SPAST: variants seen among roughly 807,000 people sequenced by gnomAD.
SPAST encodes spastic paraplegia 4 (autosomal dominant; spastin).
Under a neutral mutation model 76.6 loss-of-function variants are expected in SPAST, and 30 were observed. That is an observed-to-expected ratio of 0.39 (90% CI 0.29 to 0.53). The LOEUF (loss-of-function observed/expected upper bound fraction) is 0.53. Among genes scored for constraint, SPAST ranks in the 20% least tolerant of loss-of-function variants. The pLI, the probability that SPAST is intolerant of heterozygous loss-of-function variation, is 0.68. For missense variants in SPAST, 717 were observed against 770.5 expected, an observed-to-expected ratio of 0.93 and a Z score of 0.82; for synonymous variants, 305 against 281.0, an observed-to-expected ratio of 1.09 and a Z score of -0.86.
chr2:32,147,893 A>G (rs1573175847), intron 16 of SPAST, among the ~76,000 whole-genome samples: 1 of 145,458 alleles, frequency 6.9e-6, no homozygotes, highest in East Asian at 2.0e-4. Flanking sequence ...AGCCTCCCAA[A>G]GTGCTGGGAT....
intron 7 of SPAST, among the ~76,000 whole-genome samples, chr2:32,121,704 C>T (rs753925283): frequency 9.2e-5 from 14 of 151,764 alleles, no homozygotes; most frequent in Middle Eastern, 3.2e-3. Context: ...CCACCATGCC[C>T]GGCTAATTGT....
chr2:32,114,591 TCAGC>T, intron 4 of SPAST, 43 bp from the exon 5 acceptor site: 1 of 1,454,094 alleles, frequency 6.9e-7, no homozygotes, highest in South Asian at 1.1e-5. Context: ...GTCTTTATGT[TCAGC>T]TACAATTTTC....
chr2:32,126,831 G>A (rs1679208988), intron 7 of SPAST, 117 bp from the exon 8 acceptor site: 20 of 696,628 alleles, frequency 2.9e-5, no homozygotes, highest in Non-Finnish European at 2.9e-5. Flanking sequence ...TTCCTTTAAA[G>A]CTATGGGCAG....
chr2:32,071,427 TTAAAA>T (rs1335069740), intron 1 of SPAST, among the ~76,000 whole-genome samples: 1 of 152,356 alleles, frequency 6.6e-6, no homozygotes, highest in South Asian at 2.1e-4. Flanking sequence ...ATGTGTGTAT[TTAAAA>T]TAACTTCGTC....
chr2:32,076,437 G>C (rs1676964793), intron 1 of SPAST, among the ~76,000 whole-genome samples: 2 of 151,936 alleles, frequency 1.3e-5, no homozygotes, highest in African/African-American at 4.8e-5. Flanking sequence ...ACCCAGGCTG[G>C]TCTTGAATGC....
At chr2:32,088,250 C>T (rs1677572245) in intron 2 of SPAST, among the ~76,000 whole-genome samples, 1 of 152,070 alleles carries the variant, frequency 6.6e-6, no homozygotes, top group Non-Finnish European at 1.5e-5. Context: ...TGTGACTGAT[C>T]TTAAACTTCT....
intron 1 of SPAST, among the ~76,000 whole-genome samples, chr2:32,074,211 A>C (rs551974652): frequency 6.6e-6 from 1 of 152,200 alleles, no homozygotes; most frequent in Non-Finnish European, 1.5e-5. Flanking sequence ...CATAAAACCT[A>C]TCTAGAAGAA....
intron 7 of SPAST, among the ~76,000 whole-genome samples, chr2:32,120,939 A>G (rs566127760): frequency 1.2e-4 from 19 of 152,148 alleles, no homozygotes; most frequent in African/African-American, 4.1e-4. Flanking sequence ...TTCCATGAGT[A>G]TTTTGAAGGC....
chr2:32,150,903 T>C (rs1367346093), intron 16 of SPAST, among the ~76,000 whole-genome samples: 3 of 152,050 alleles, frequency 2.0e-5, no homozygotes, highest in Admixed American at 2.0e-4. Context: ...ATCCCATTAA[T>C]TATATATATT....
Position 32,155,888 on chromosome 2 carries a change from G to C in SPAST, c.*1392G>C, listed in dbSNP as rs1376903403. On this transcript the variant is annotated 3_prime_UTR_variant, in exon 17 of 17. Coordinates refer to ENST00000315285, the MANE Select transcript of SPAST (RefSeq NM_014946.4). ...AGTAGTAACAAGAATTTTTCATTTA[G>C]GAAAGATTTCTTAGGTTTTGAAAGA... is the stretch of plus-strand genomic sequence containing the variant. The C allele has an allele frequency of 6.6e-6, 1 of 152,394 alleles. No homozygotes were observed. Among genetic ancestry groups the C allele is most frequent in the Non-Finnish European group, 1.5e-5 (1 of 67,994 alleles). The allele number at this position is 152,394 out of a possible 1,614,324, so 9.4% of individuals were successfully genotyped here.
intron 12 of SPAST, among the ~76,000 whole-genome samples, chr2:32,139,134 T>G (rs1156653150): frequency 6.6e-6 from 1 of 152,214 alleles, no homozygotes; most frequent in Non-Finnish European, 1.5e-5. Context: ...CTTTGTCTAT[T>G]TGGACTCTTT....
At chr2:32,112,323 G>A (rs1482280498) in intron 4 of SPAST, among the ~76,000 whole-genome samples, 2 of 147,304 alleles carry the variant, frequency 1.4e-5, no homozygotes, top group African/African-American at 5.0e-5. Flanking sequence ...CTAGAACCTC[G>A]TTTTAAGGTA....
chr2:32,143,899 C>G (rs532701673), intron 14 of SPAST, among the ~76,000 whole-genome samples: 231 of 152,256 alleles, frequency 1.5e-3, no homozygotes, highest in Non-Finnish European at 2.8e-3. Flanking sequence ...ATATTGCACA[C>G]TAACACAGAT....
At chr2:32,114,501 T>C in intron 4 of SPAST, 137 bp from the exon 5 acceptor site, 2 of 709,362 alleles carry the variant, frequency 2.8e-6, no homozygotes, top group South Asian at 1.8e-5. Context: ...TCCTGGTACA[T>C]GTTCTCATTG....
rs577947468 is a variant in SPAST at position 32,143,198 on chromosome 2, A to G, written c.1537-138A>G. 1.6e-5 allele frequency: 9 copies of G among 574,126 alleles called. No homozygotes were observed. The East Asian group carries it at 2.5e-4, about 16-fold the overall frequency. 35.6% of individuals were successfully genotyped at this position (574,126 alleles called of 1,614,324 possible). A position where few individuals can be genotyped will look rare whatever the true frequency, so the allele number is the denominator to read the frequency against. On this transcript the variant is annotated intron_variant, in intron 13 of 16. Transcript: ENST00000315285. ...TGGGAGGATTGCTTGAACCCAGGAT[A>G]TCGAGGCTATAGTGAGCTATGATTG...
chr2:32,076,828 C>T (rs1339191359), intron 1 of SPAST, among the ~76,000 whole-genome samples: 1 of 151,966 alleles, frequency 6.6e-6, no homozygotes, highest in Non-Finnish European at 1.5e-5. Context: ...TCTCAAGCAG[C>T]TGGGACTATA....
intron 14 of SPAST, among the ~76,000 whole-genome samples, chr2:32,144,247 G>C (rs554315214): frequency 6.6e-6 from 1 of 152,284 alleles, no homozygotes; most frequent in Non-Finnish European, 1.5e-5. Context: ...TTAAAAAAAT[G>C]TACATTGATT....
chr2:32,095,221 G>C (rs897913320), intron 3 of SPAST, among the ~76,000 whole-genome samples: 1 of 152,172 alleles, frequency 6.6e-6, no homozygotes, highest in Non-Finnish European at 1.5e-5. Flanking sequence ...TGATAGATTG[G>C]ATAAAATGGT....
chr2:32,152,506 G>A (rs898609544), intron 16 of SPAST, among the ~76,000 whole-genome samples: 2 of 152,096 alleles, frequency 1.3e-5, no homozygotes, highest in African/African-American at 2.4e-5. Context: ...GCAGTGAGCC[G>A]AGATCATGCC....
Sources: allele counts gnomAD v4.1 joint callset (sites outside exome capture counted in the v4.1 genomes callset), GRCh38; gene constraint gnomAD v4.1.1; transcripts MANE v1.5; gene names NCBI Gene and HGNC (gene_info 2026-07-23, HGNC 2026-07-21).